The following SBF2 variants were observed in gnomAD, a reference collection of about 807,000 sequenced individuals.
The protein encoded by SBF2 is myotubularin-related protein 13.
Under a neutral mutation model 225.2 loss-of-function variants are expected in SBF2, and 112 were observed. That is an observed-to-expected ratio of 0.50 (90% CI 0.43 to 0.58). SBF2 has a LOEUF of 0.58. Among genes scored for constraint, SBF2 ranks in the 20% least tolerant of loss-of-function variants. The probability of loss-of-function intolerance (pLI) is 0.00; values close to 1 mark genes in which losing one functional copy is unlikely to be tolerated. For missense variants in SBF2, 1,996 were observed against 2,206.2 expected (o/e 0.90, Z 1.91); for synonymous variants, 763 against 773.3 (o/e 0.99, Z 0.22).
intron 13 of SBF2, among the ~76,000 whole-genome samples, chr11:9,968,874 A>G (rs927473139): frequency 2.0e-5 from 3 of 152,076 alleles, no homozygotes; most frequent in Non-Finnish European, 4.4e-5. Flanking sequence ...TCTTTTTTCT[A>G]TTAACATTCA....
In SBF2 at chr11:9,998,361, CT is replaced by C. The variant is rs1181870144; in HGVS notation, c.879del (p.Asp294IlefsTer32). On this transcript the variant is annotated frameshift_variant, in exon 9 of 40. Transcript: ENST00000256190. LOFTEE classifies it high-confidence loss of function. ...DVHELLDVII[A>X]DLDGGTIKIP... Reference sequence around the variant, plus strand: ...ATTTTAATAGTGCCTCCATCCAAATCTGCTATGATTACATCTAACTGAAAGA... The same window carrying C: ...ATTTTAATAGTGCCTCCATCCAAATCGCTATGATTACATCTAACTGAAAGA... The C allele has an allele frequency of 6.3e-7, 1 of 1,592,802 alleles. No homozygotes were observed. The highest frequency in any genetic ancestry group is 8.6e-7 in the Non-Finnish European group (1 of 1,161,464).
intron 17 of SBF2, among the ~76,000 whole-genome samples, chr11:9,865,780 T>C (rs1227094075): frequency 1.4e-5 from 2 of 145,312 alleles, no homozygotes; most frequent in Admixed American, 7.0e-5. Flanking sequence ...GGAACACTGA[T>C]AGGGAGTGAC....
At chr11:10,091,577 T>C (rs1349631553) in intron 2 of SBF2, among the ~76,000 whole-genome samples, 1 of 152,216 alleles carries the variant, frequency 6.6e-6, no homozygotes, top group Admixed American at 6.5e-5. Context: ...GTTGCCTGCA[T>C]ACATAATAAA....
chr11:10,138,304 T>A (rs1954479601), intron 2 of SBF2, among the ~76,000 whole-genome samples: 1 of 152,210 alleles, frequency 6.6e-6, no homozygotes, highest in South Asian at 2.1e-4. Context: ...CATTAACTCG[T>A]TGATGACTGA....
At chr11:9,991,215 G>T (rs1005979659) in intron 12 of SBF2, among the ~76,000 whole-genome samples, 1 of 152,136 alleles carries the variant, frequency 6.6e-6, no homozygotes, top group African/African-American at 2.4e-5. Flanking sequence ...GAGAATCAAT[G>T]ACCAATAATT....
intron 1 of SBF2, among the ~76,000 whole-genome samples, chr11:10,260,355 A>C (rs1410462066): frequency 6.6e-6 from 1 of 152,082 alleles, no homozygotes; most frequent in African/African-American, 2.4e-5. Flanking sequence ...AGGCCAAGGC[A>C]GGAGGATCAC....
chr11:10,182,917 C>T (rs1956794289), intron 2 of SBF2, among the ~76,000 whole-genome samples: 1 of 151,930 alleles, frequency 6.6e-6, no homozygotes, highest in African/African-American at 2.4e-5. Context: ...GGGACTATAG[C>T]ACGCGCCACC....
At chr11:9,892,920 T>C (rs1860955659) in intron 17 of SBF2, among the ~76,000 whole-genome samples, 1 of 152,218 alleles carries the variant, frequency 6.6e-6, no homozygotes, top group African/African-American at 2.4e-5. Flanking sequence ...ACCAGTTTGA[T>C]TTTTAAAAAT....
intron 2 of SBF2, among the ~76,000 whole-genome samples, chr11:10,107,826 G>T (rs899984874): frequency 7.2e-5 from 11 of 152,040 alleles, no homozygotes; most frequent in Admixed American, 3.3e-4. Context: ...TGCAAAGATG[G>T]TTTTTTTCCA....
chr11:10,220,468 A>G (rs1480972108), intron 1 of SBF2, among the ~76,000 whole-genome samples: 1 of 152,030 alleles, frequency 6.6e-6, no homozygotes, highest in Non-Finnish European at 1.5e-5. Flanking sequence ...TGTTACCAAG[A>G]CCTATAGCTT....
intron 6 of SBF2, among the ~76,000 whole-genome samples, chr11:10,017,159 C>CA (rs1164196958): frequency 2.6e-5 from 4 of 152,048 alleles, no homozygotes; most frequent in Admixed American, 6.5e-5. Flanking sequence ...TTCATTGCAC[C>CA]ACATGTTAAC....
chr11:9,855,099 G>T (rs538594900), intron 19 of SBF2, among the ~76,000 whole-genome samples: 1 of 152,160 alleles, frequency 6.6e-6, no homozygotes, highest in Non-Finnish European at 1.5e-5. Flanking sequence ...CCTTTTGGCA[G>T]TAGAAAGAAG....
chr11:9,931,272 T>C (rs1042056215), intron 16 of SBF2, among the ~76,000 whole-genome samples: 3 of 152,222 alleles, frequency 2.0e-5, no homozygotes, highest in African/African-American at 7.2e-5. Flanking sequence ...GAATGGCGGC[T>C]GAGCTCTGAG....
chr11:9,974,927 T>G (rs1319140694), intron 13 of SBF2, among the ~76,000 whole-genome samples: 3 of 116,762 alleles, frequency 2.6e-5, no homozygotes, highest in African/African-American at 3.4e-5. Flanking sequence ...GCCATGGCAC[T>G]CCAGCCTGGG....
At chr11:9,994,629 A>G (rs2134479490) in intron 9 of SBF2, among the ~76,000 whole-genome samples, 1 of 149,790 alleles carries the variant, frequency 6.7e-6, no homozygotes, top group South Asian at 2.1e-4. Context: ...ACACTAAACT[A>G]TAAAATAGTA....
At chr11:9,935,983 G>A (rs975592650) in intron 16 of SBF2, among the ~76,000 whole-genome samples, 2 of 152,162 alleles carry the variant, frequency 1.3e-5, no homozygotes, top group Non-Finnish European at 2.9e-5. Context: ...AAGAGCTACT[G>A]CACAGCAAAA....
chr11:10,031,134 CT>C lies in SBF2; in HGVS notation c.315del (p.Val106CysfsTer4). On this transcript the variant is annotated frameshift_variant, in exon 4 of 40. Transcript: ENST00000256190. LOFTEE classifies it high-confidence loss of function. Reference sequence around the variant, plus strand: ...TCTGCAGGCTGAATTAAACCAGACACTTTTGCTTCACCTTCAATCTCTTCCT... The same window carrying C: ...TCTGCAGGCTGAATTAAACCAGACACTTTGCTTCACCTTCAATCTCTTCCT... ...TKKEEIEGEA[K>X]VSGLIQPAEV... is the part of the protein sequence containing the mutation. The C allele has an allele frequency of 6.2e-7, 1 of 1,613,590 alleles. No individual in the cohort carries two copies. Among genetic ancestry groups the C allele is most frequent in the Non-Finnish European group, 8.5e-7 (1 of 1,179,696 alleles).
At chr11:10,244,906 G>A (rs547425392) in intron 1 of SBF2, among the ~76,000 whole-genome samples, 5 of 151,828 alleles carry the variant, frequency 3.3e-5, no homozygotes, top group Non-Finnish European at 4.4e-5. Context: ...GAGGCCAAGG[G>A]GGGTGGATCA....
At chr11:10,266,758 G>A (rs1279334260) in intron 1 of SBF2, among the ~76,000 whole-genome samples, 2 of 152,176 alleles carry the variant, frequency 1.3e-5, no homozygotes, top group East Asian at 3.9e-4. Context: ...CCCAGGATAA[G>A]TTTTGGCCAA....
Sources: allele counts gnomAD v4.1 joint callset (sites outside exome capture counted in the v4.1 genomes callset), GRCh38; gene constraint gnomAD v4.1.1; transcripts MANE v1.5; gene names NCBI Gene and HGNC (gene_info 2026-07-23, HGNC 2026-07-21).